ZNF827: variants seen among roughly 807,000 people sequenced by gnomAD.
ZNF827 encodes the protein zinc finger protein 827.
A neutral mutation model predicts 102.4 loss-of-function variants in ZNF827; 13 were observed. The ratio of observed to expected loss-of-function variants is 0.13; its 90% CI spans 0.08 to 0.20. ZNF827 has a LOEUF of 0.20. ZNF827 is among the 10% of genes least tolerant of loss of function. The pLI is 1.00. For synonymous variants in ZNF827, 523 were observed against 536.2 expected (o/e 0.98, Z 0.34); for missense variants, 1,103 against 1,344.4 (o/e 0.82, Z 2.81).
chr4:145,802,040 G>C (rs988343100), intron 8 of ZNF827, among the ~76,000 whole-genome samples: 5 of 152,134 alleles, frequency 3.3e-5, no homozygotes, highest in Non-Finnish European at 7.3e-5. Context: ...CTAATACACC[G>C]AATAAGAATG....
At position 145,903,127 on chromosome 4, in the gene ZNF827, G is replaced by A. The variant is rs751926734; in HGVS notation, c.132C>T (p.Ser44=). ...TATAGTTCTCCTGGACTTCCCCATA[G>A]GATGCTTCTGACGGAGTCTCTGAAG... ...GNSSETPSEA[S]YGEVQENYKL... Residue 44 remains serine (S), a synonymous_variant, in exon 2 of 15, where the codon TCC becomes TCT. Transcript: ENST00000508784. 3 of 1,614,090 alleles carry A rather than the reference G, an allele frequency of 1.9e-6. No individual in the cohort carries two copies. The African/African-American group carries it at 4.0e-5, about 22-fold the overall frequency.
At chr4:145,868,486 C>T (rs150653823) in intron 5 of ZNF827, among the ~76,000 whole-genome samples, 2 of 152,166 alleles carry the variant, frequency 1.3e-5, no homozygotes, top group Non-Finnish European at 2.9e-5. Flanking sequence ...AACCCCATAG[C>T]ACATGTGCTC....
intron 1 of ZNF827, among the ~76,000 whole-genome samples, chr4:145,917,700 C>CAAAAAAAAAAAAAAAAAAAAA (rs763617063): frequency 6.4e-5 from 3 of 46,856 alleles, no homozygotes; most frequent in Non-Finnish European, 7.9e-5. Flanking sequence ...GGTAGCTGGT[C>CAAAAAAAAAAAAAAAAAAAAA]AAAAAAAAAA....
chr4:145,810,348 C>G (rs1207249118), intron 8 of ZNF827, among the ~76,000 whole-genome samples: 1 of 151,184 alleles, frequency 6.6e-6, no homozygotes, highest in Non-Finnish European at 1.5e-5. Context: ...ATTATGGCTC[C>G]AAATTATTAT....
intron 7 of ZNF827, chr4:145,832,919 C>G (rs927715279): frequency 6.6e-6 from 1 of 152,612 alleles, no homozygotes; most frequent in South Asian, 2.1e-4. Flanking sequence ...ACTCTCTTTT[C>G]GGACTCAGCC....
At chr4:145,848,520 G>A (rs1746200714) in intron 6 of ZNF827, among the ~76,000 whole-genome samples, 1 of 152,178 alleles carries the variant, frequency 6.6e-6, no homozygotes. Context: ...TTTATTGATG[G>A]ATAAACTTTA....
intron 10 of ZNF827, 75 bp from the exon 11 acceptor site, chr4:145,774,747 A>G: frequency 6.7e-7 from 1 of 1,488,240 alleles, no homozygotes; most frequent in Non-Finnish European, 9.2e-7. Context: ...CTGTCCATTT[A>G]TACACAGTAC....
intron 9 of ZNF827, among the ~76,000 whole-genome samples, chr4:145,779,023 C>T (rs1168269093): frequency 1.3e-5 from 2 of 152,124 alleles, no homozygotes; most frequent in African/African-American, 2.4e-5. Context: ...CTGGCTGCTC[C>T]CACCCACAAC....
intron 1 of ZNF827, among the ~76,000 whole-genome samples, chr4:145,924,649 G>A (rs562747952): frequency 3.9e-5 from 6 of 152,246 alleles, no homozygotes; most frequent in Admixed American, 2.6e-4. Context: ...ACTTGAAAAG[G>A]CCACTTCTTC....
At chr4:145,874,031 A>C (rs542951322) in intron 4 of ZNF827, among the ~76,000 whole-genome samples, 10 of 152,288 alleles carry the variant, frequency 6.6e-5, no homozygotes, top group African/African-American at 2.4e-4. Context: ...GAAAAAAAAA[A>C]AACTATTGAG....
intron 8 of ZNF827, among the ~76,000 whole-genome samples, chr4:145,802,848 C>A (rs755181782): frequency 6.6e-6 from 1 of 152,100 alleles, no homozygotes; most frequent in Non-Finnish European, 1.5e-5. Flanking sequence ...GAGGCTGAGG[C>A]AGGATCACTT....
chr4:145,810,993 CTTTTT>C (rs34011180), intron 8 of ZNF827, among the ~76,000 whole-genome samples: 1 of 137,974 alleles, frequency 7.2e-6, no homozygotes, highest in Non-Finnish European at 1.6e-5. Context: ...ACTCATTTCG[CTTTTT>C]TTTTTTTTTT....
chr4:145,938,728 T>C lies in ZNF827; in HGVS notation c.-321A>G. The C allele has an allele frequency of 3.1e-6, 1 of 317,618 alleles. No individual in the cohort carries two copies. The highest frequency in any genetic ancestry group is 5.9e-6 in the Non-Finnish European group (1 of 170,474). The allele number at this position is 317,618 out of a possible 1,614,324, so 19.7% of individuals were successfully genotyped here. On this transcript the variant is annotated 5_prime_UTR_variant, in exon 1 of 15. Coordinates refer to ENST00000508784, the MANE Select transcript of ZNF827 (RefSeq NM_001306215.2). ...TAGGTGTGAGTGTGTGTGTGTCCTATGCTCGCGTGTGTGATGGGAGGTATA... is the reference window on the plus strand; with the variant it reads ...TAGGTGTGAGTGTGTGTGTGTCCTACGCTCGCGTGTGTGATGGGAGGTATA...
intron 8 of ZNF827, among the ~76,000 whole-genome samples, chr4:145,794,145 C>T (rs1027627976): frequency 3.3e-5 from 5 of 152,144 alleles, no homozygotes; most frequent in Non-Finnish European, 5.9e-5. Context: ...TGCTATTTCC[C>T]GATTTTGGCC....
chr4:145,798,215 G>GTCACTTTA (rs1462688085), intron 8 of ZNF827, among the ~76,000 whole-genome samples: 1 of 152,164 alleles, frequency 6.6e-6, no homozygotes, highest in African/African-American at 2.4e-5. Context: ...TTGCATTTCT[G>GTCACTTTA]TCACTTTACA....
intron 7 of ZNF827, chr4:145,839,027 C>G (rs1244406615): frequency 6.6e-6 from 1 of 152,070 alleles, no homozygotes; most frequent in African/African-American, 2.4e-5. Flanking sequence ...AGTCTGAAAG[C>G]TATGGAAGGA....
intron 7 of ZNF827, among the ~76,000 whole-genome samples, chr4:145,825,731 T>A (rs1323644251): frequency 6.6e-6 from 1 of 152,154 alleles, no homozygotes; most frequent in Non-Finnish European, 1.5e-5. Flanking sequence ...TCTTCAAAAG[T>A]GTGGATTCCT....
intron 7 of ZNF827, among the ~76,000 whole-genome samples, chr4:145,844,118 C>A (rs1407039527): frequency 1.3e-5 from 2 of 152,080 alleles, no homozygotes; most frequent in Admixed American, 1.3e-4. Flanking sequence ...TGTTTAGACC[C>A]ACAGACACAA....
rs749224779 is a variant in ZNF827, at chr4:145,938,396, C to T, written c.12G>A (p.Arg4=). 6.2e-7 allele frequency: 1 copy of T among 1,612,948 alleles called. No individual in the cohort carries two copies. Among genetic ancestry groups the T allele is most frequent in the Non-Finnish European group, 8.5e-7 (1 of 1,179,924 alleles). The stretch of plus-strand genomic sequence containing the variant: ...GAAGGCGCTTGGGCTGCTCCTGCTT[C>T]CTCCTGGGCATTTTCCCCCTTTTCT... MPR[R]KQEQPKRLPS... Residue 4 remains arginine, a synonymous_variant, in exon 1 of 15, where the codon AGG becomes AGA. Transcript: ENST00000508784.
Sources: gnomAD v4.1 joint callset for allele counts (sites outside exome capture counted in the v4.1 genomes callset) on GRCh38, gnomAD v4.1.1 for gene constraint, MANE v1.5 for transcripts, NCBI Gene and HGNC (gene_info 2026-07-23, HGNC 2026-07-21) for gene names.